The following NCKAP5 variants were observed in gnomAD, a reference collection of about 807,000 sequenced individuals.
NCKAP5 encodes nck-associated protein 5.
Under a neutral mutation model 167.0 loss-of-function variants are expected in NCKAP5, and 92 were observed. That is an observed-to-expected ratio of 0.55 (90% CI 0.47 to 0.66). NCKAP5 has a LOEUF of 0.66. Among genes scored for constraint, NCKAP5 ranks in the 30% least tolerant of loss-of-function variants. NCKAP5 has a pLI of 0.00. For synonymous variants in NCKAP5, 891 were observed against 877.4 expected (o/e 1.02, Z -0.27); for missense variants, 2,378 against 2,315.0 (o/e 1.03, Z -0.56).
rs111560031 is a variant in NCKAP5, at chr2:133,276,949, C to T, written c.143+26088G>A. The stretch of plus-strand genomic sequence containing the variant: ...AGGAAAAAAATTACAAGATTCTCTA[C>T]ACAAGTGTTTAAATAATCTTTGAGA... On this transcript the variant is annotated intron_variant, in intron 4 of 19. Coordinates refer to ENST00000409261, the MANE Select transcript of NCKAP5 (RefSeq NM_207363.3). 3.1e-3 allele frequency among the ~76,000 whole-genome samples: 471 copies of T among 152,250 alleles called. 3 individuals are homozygous for T. The highest frequency in any genetic ancestry group is 0.011 in the African/African-American group (447 of 41,564).
At chr2:132,681,084 A>C (rs1685163499) in intron 19 of NCKAP5, among the ~76,000 whole-genome samples, 4 of 152,026 alleles carry the variant, frequency 2.6e-5, no homozygotes, top group Non-Finnish European at 5.9e-5. Flanking sequence ...AGCCTGTGTA[A>C]ACAGCTTAAC....
the NCKAP5 span, among the ~76,000 whole-genome samples, chr2:133,635,302 A>AG: frequency 8.5e-5 from 13 of 152,230 alleles, no homozygotes; most frequent in African/African-American, 2.9e-4. Flanking sequence ...CTCCCTACTC[A>AG]GCAACTTCCA....
At chr2:133,318,618 T>A (rs979385144) in intron 3 of NCKAP5, among the ~76,000 whole-genome samples, 1 of 152,182 alleles carries the variant, frequency 6.6e-6, no homozygotes, top group Non-Finnish European at 1.5e-5. Flanking sequence ...AAATATGTGA[T>A]GGAATATAGC....
intron 11 of NCKAP5, among the ~76,000 whole-genome samples, chr2:132,854,370 T>A (rs947660626): frequency 2.0e-5 from 3 of 152,198 alleles, no homozygotes; most frequent in South Asian, 2.1e-4. Context: ...CAAAGTAACA[T>A]ATCAATGCTG....
chr2:133,464,246 TA>T (rs2151245981), intron 3 of NCKAP5, among the ~76,000 whole-genome samples: 1 of 152,332 alleles, frequency 6.6e-6, no homozygotes, highest in South Asian at 2.1e-4. Flanking sequence ...CCTTCTTTAT[TA>T]AATCAAGAAC....
At chr2:133,129,466 G>A (rs2082522666) in intron 6 of NCKAP5, among the ~76,000 whole-genome samples, 1 of 152,196 alleles carries the variant, frequency 6.6e-6, no homozygotes, top group South Asian at 2.1e-4. Context: ...TGGTGTATAT[G>A]TGCCACATTT....
chr2:133,229,681 C>T (rs1376238322), intron 4 of NCKAP5, among the ~76,000 whole-genome samples: 1 of 152,158 alleles, frequency 6.6e-6, no homozygotes, highest in Non-Finnish European at 1.5e-5. Flanking sequence ...CAGAGCTACA[C>T]CTGGACACAG....
rs193296408 is a variant in NCKAP5 at position 133,041,883 on chromosome 2, A to C, written c.342-47644T>G. On this transcript the variant is annotated intron_variant, in intron 6 of 19. Transcript: ENST00000409261. ...TTTGTAAAATAAAGGAGGATGCTTA[A>C]ATTTTGTTAGAATTATTTTTTTCTA... 1.2e-3 allele frequency among the ~76,000 whole-genome samples: 178 copies of C among 152,332 alleles called. 1 individual carries two copies. Among genetic ancestry groups the C allele is most frequent in the Non-Finnish European group, 2.3e-3 (156 of 68,028 alleles).
chr2:133,076,861 C>A (rs1222956814), intron 6 of NCKAP5, among the ~76,000 whole-genome samples: 1 of 152,150 alleles, frequency 6.6e-6, no homozygotes, highest in African/African-American at 2.4e-5. Flanking sequence ...GTTACATCAA[C>A]AAATTCCACT....
chr2:132,806,873 T>G (rs761407577), intron 11 of NCKAP5, among the ~76,000 whole-genome samples: 6 of 152,122 alleles, frequency 3.9e-5, no homozygotes, highest in Non-Finnish European at 8.8e-5. Flanking sequence ...GTTTTTCCAA[T>G]GTTATCTTCT....
chr2:133,073,828 C>T (rs1275182720), intron 6 of NCKAP5, among the ~76,000 whole-genome samples: 1 of 152,124 alleles, frequency 6.6e-6, no homozygotes, highest in Non-Finnish European at 1.5e-5. Flanking sequence ...GCACCCAGGG[C>T]ACATAACATT....
At chr2:133,587,167 C>T in the NCKAP5 span, among the ~76,000 whole-genome samples, 37 of 152,254 alleles carry the variant, frequency 2.4e-4, no homozygotes, top group African/African-American at 8.4e-4. Context: ...TCACATTTTT[C>T]AGAACAAGTA....
At chr2:133,647,453 G>A in the NCKAP5 span, among the ~76,000 whole-genome samples, 344 of 102,264 alleles carry the variant, frequency 3.4e-3, 12 homozygotes, top group African/African-American at 0.015. Context: ...AAGAAAGAAC[G>A]AAAGAAAGAA....
chr2:133,118,201 T>C (rs2082140551), intron 6 of NCKAP5: 1 of 152,148 alleles, frequency 6.6e-6, no homozygotes, highest in Non-Finnish European at 1.5e-5. Flanking sequence ...TTTTTTACCC[T>C]ACGATCCTTG....
chr2:132,776,794 T>A (rs1252924599), intron 15 of NCKAP5, among the ~76,000 whole-genome samples: 1 of 152,140 alleles, frequency 6.6e-6, no homozygotes, highest in African/African-American at 2.4e-5. Flanking sequence ...GAAATTTAAA[T>A]TAATTTTCAT....
rs531354835 is a variant in NCKAP5 at position 132,909,848 on chromosome 2, T to C, written c.580-30932A>G. On this transcript the variant is annotated intron_variant, in intron 8 of 19. Coordinates refer to ENST00000409261, the MANE Select transcript of NCKAP5 (RefSeq NM_207363.3). ...GGTTGAGAAATCATATGATTTTTCT[T>C]CTTGGAGGGATATGAGTAGCAAGCT... 5.9e-5 allele frequency among the ~76,000 whole-genome samples: 9 copies of C among 152,346 alleles called. No homozygotes were observed. The East Asian group carries it at 1.5e-3, about 26-fold the overall frequency.
chr2:132,805,717 A>G (rs1280002758), intron 11 of NCKAP5, among the ~76,000 whole-genome samples: 1 of 151,422 alleles, frequency 6.6e-6, no homozygotes, highest in Non-Finnish European at 1.5e-5. Flanking sequence ...GTCTTGTGCT[A>G]AGTGTTTACA....
chr2:133,289,535 G>T (rs1019530383), intron 4 of NCKAP5, among the ~76,000 whole-genome samples: 1 of 151,822 alleles, frequency 6.6e-6, no homozygotes, highest in Non-Finnish European at 1.5e-5. Context: ...TGAGGTCAGG[G>T]GTTTGAAACC....
intron 16 of NCKAP5, among the ~76,000 whole-genome samples, chr2:132,763,172 G>A (rs1214615870): frequency 1.3e-5 from 2 of 152,150 alleles, no homozygotes; most frequent in African/African-American, 4.8e-5. Flanking sequence ...CAAAAGTGAC[G>A]TCTTAACACA....
Sources: gnomAD v4.1 joint callset for allele counts (sites outside exome capture counted in the v4.1 genomes callset) on GRCh38, gnomAD v4.1.1 for gene constraint, MANE v1.5 for transcripts, NCBI Gene and HGNC (gene_info 2026-07-23, HGNC 2026-07-21) for gene names.